HDAC8: variants seen among roughly 807,000 people sequenced by gnomAD.
HDAC8 encodes the protein histone deacetylase 8.
HDAC8 carries 1 observed loss-of-function variant against 32.2 expected under a neutral mutation model. The ratio of observed to expected loss-of-function variants is 0.03; its 90% confidence interval spans 0.01 to 0.15. HDAC8 has a LOEUF of 0.15. HDAC8 is among the 10% of genes least tolerant of loss of function. The probability of loss-of-function intolerance (pLI) is 1.00; values close to 1 mark genes in which losing one functional copy is unlikely to be tolerated. For synonymous variants in HDAC8, 108 were observed against 113.9 expected, an observed-to-expected ratio of 0.95 and a Z score of 0.33; for missense variants, 117 against 300.0, an observed-to-expected ratio of 0.39 and a Z score of 4.51.
intron 4 of HDAC8, among the ~76,000 whole-genome samples, chrX:72,564,585 C>T (rs1556129297): frequency 8.9e-6 from 1 of 112,179 alleles, no homozygotes; most frequent in African/African-American, 3.2e-5. Context: ...ACTTTTCAAT[C>T]TAGCTGTCAC....
intron 5 of HDAC8, among the ~76,000 whole-genome samples, chrX:72,493,117 AC>A (rs1261673659): frequency 1.8e-5 from 2 of 111,439 alleles, no homozygotes; most frequent in African/African-American, 6.5e-5. Context: ...GACAGGTGAA[AC>A]AAAACTAAAT....
At chrX:72,550,355 C>G (rs782725392) in intron 4 of HDAC8, among the ~76,000 whole-genome samples, 1 of 110,375 alleles carries the variant, frequency 9.1e-6, no homozygotes, top group Non-Finnish European at 1.9e-5. Context: ...CCAACTTTCA[C>G]ACCTCTAAGC....
At chrX:72,442,112 C>A (rs1400385884) in intron 9 of HDAC8, among the ~76,000 whole-genome samples, 1 of 111,210 alleles carries the variant, frequency 9.0e-6, no homozygotes, top group African/African-American at 3.3e-5. Context: ...AAACACTCTT[C>A]AGGATATTAT....
At chrX:72,349,527 T>C (rs1555948086) in intron 10 of HDAC8, among the ~76,000 whole-genome samples, 1 of 112,588 alleles carries the variant, frequency 8.9e-6, no homozygotes, top group Non-Finnish European at 1.9e-5. Flanking sequence ...TTTGATTTCA[T>C]TGGGTTACAA....
intron 4 of HDAC8, among the ~76,000 whole-genome samples, chrX:72,550,572 C>T (rs2051032285): frequency 9.1e-6 from 1 of 110,165 alleles, no homozygotes; most frequent in South Asian, 3.9e-4. Flanking sequence ...CACCCCAGAA[C>T]AAGTTTCACG....
At chrX:72,499,811 T>A in intron 4 of HDAC8, among the ~76,000 whole-genome samples, 1 of 111,199 alleles carries the variant, frequency 9.0e-6, no homozygotes, top group Non-Finnish European at 1.9e-5. Context: ...AATTGAGACA[T>A]GAAAAACCTT....
chrX:72,402,844 A>G (rs2045941488), intron 9 of HDAC8, among the ~76,000 whole-genome samples: 1 of 111,487 alleles, frequency 9.0e-6, no homozygotes, highest in Admixed American at 9.5e-5. Flanking sequence ...AGGTGCATAC[A>G]TGTTTAAAAT....
rs1232346857 is a variant in HDAC8, at chrX:72,567,972, A to G, written c.354T>C (p.Ala118=). ...TCAGGCATTGGGCAGCTGTGATCGT[A>G]GCCCCTCCTATAGCTGCTGCATAGT... The part of the protein sequence containing the change: ...IFDYAAAIGG[A]TITAAQCLID... Residue 118 remains alanine, a synonymous_variant, in exon 4 of 11, where the codon GCT becomes GCC. Transcript: ENST00000373573. The G allele has an allele frequency of 1.7e-6, 2 of 1,209,769 alleles. No individual in the cohort carries two copies. Among genetic ancestry groups the G allele is most frequent in the East Asian group, 5.9e-5 (2 of 33,768 alleles).
At chrX:72,389,708 G>T (rs1555963064) in intron 9 of HDAC8, among the ~76,000 whole-genome samples, 1 of 112,234 alleles carries the variant, frequency 8.9e-6, no homozygotes, top group Admixed American at 9.4e-5. Context: ...GGCTCCAAAA[G>T]AAAACAAAGC....
chrX:72,568,794 C>T lies in HDAC8; in HGVS notation c.255G>A (p.Glu85=). ...YLQHLQKVSQ[E]GDDDHPDSIE... is the part of the protein sequence containing the mutation. Reference sequence around the variant, plus strand: ...TGGAGTCCGGATGATCATCATCGCCCTCTTGGCTGACCTTCTGGAGATGCT... The same window carrying T: ...TGGAGTCCGGATGATCATCATCGCCTTCTTGGCTGACCTTCTGGAGATGCT... The change falls in exon 3 of 11, where the codon GAG becomes GAA. Residue 85 remains glutamate (E), a synonymous_variant. Coordinates refer to ENST00000373573, the MANE Select transcript of HDAC8 (RefSeq NM_018486.3). The T allele has an allele frequency of 8.3e-7, 1 of 1,211,853 alleles. No homozygotes were observed. The highest frequency in any genetic ancestry group is 1.1e-6 in the Non-Finnish European group (1 of 895,420).
In HDAC8 at chrX:72,518,219, G is replaced by A. The variant is rs145071613; in HGVS notation, c.438-22951C>T. Among the ~76,000 whole-genome samples, 1,108 of 110,971 alleles carry A rather than the reference G, an allele frequency of 1.0e-2. 7 individuals are homozygous for A. The highest frequency in any genetic ancestry group is 0.013 in the Non-Finnish European group (697 of 52,915). Reference sequence around the variant, plus strand: ...TTGTGCAATTCATCATCATAATCTCGTATTAGAATATTTTCACCATTCCAA... The same window carrying A: ...TTGTGCAATTCATCATCATAATCTCATATTAGAATATTTTCACCATTCCAA... On this transcript the variant is annotated intron_variant, in intron 4 of 10. Transcript: ENST00000373573.
chrX:72,549,733 C>T (rs1322363195), intron 4 of HDAC8, among the ~76,000 whole-genome samples: 1 of 111,780 alleles, frequency 8.9e-6, no homozygotes, highest in African/African-American at 3.3e-5. Flanking sequence ...ATCTAGACCA[C>T]CCCTTCCTTA....
intron 4 of HDAC8, among the ~76,000 whole-genome samples, chrX:72,509,997 T>C (rs1371925922): frequency 8.9e-6 from 1 of 111,769 alleles, no homozygotes; most frequent in African/African-American, 3.3e-5. Context: ...TTCCTTTTAG[T>C]AGCAATTTTT....
intron 9 of HDAC8, among the ~76,000 whole-genome samples, chrX:72,391,339 T>G (rs2045607022): frequency 8.9e-6 from 1 of 112,479 alleles, no homozygotes; most frequent in South Asian, 3.8e-4. Flanking sequence ...AGCAGAACTG[T>G]GAATACCCAT....
intron 4 of HDAC8, among the ~76,000 whole-genome samples, chrX:72,529,006 C>T (rs1556034239): frequency 1.8e-5 from 2 of 111,766 alleles, no homozygotes; most frequent in Non-Finnish European, 3.8e-5. Flanking sequence ...TATTATATAC[C>T]TCAAGCAAGG....
chrX:72,561,928 A>G (rs2051576795), intron 4 of HDAC8, among the ~76,000 whole-genome samples: 1 of 112,503 alleles, frequency 8.9e-6, no homozygotes, highest in Non-Finnish European at 1.9e-5. Context: ...CATATGAAAA[A>G]ATGCTCAACA....
At chrX:72,474,659 C>T in intron 7 of HDAC8, 1 of 1,206,172 alleles carries the variant, frequency 8.3e-7, no homozygotes. Context: ...TCAGACAAGG[C>T]TATGCAAATG....
At chrX:72,351,379 C>A (rs1195455728) in intron 10 of HDAC8, 3 of 205,897 alleles carry the variant, frequency 1.5e-5, no homozygotes, top group East Asian at 1.2e-4. Context: ...GGATGACAGG[C>A]GTAAGCCACG....
At chrX:72,453,706 C>T (rs1389044053) in intron 9 of HDAC8, among the ~76,000 whole-genome samples, 3 of 111,395 alleles carry the variant, frequency 2.7e-5, no homozygotes, top group Non-Finnish European at 5.7e-5. Context: ...CTCAATGCAT[C>T]TCAGACAGGA....
Sources: allele counts gnomAD v4.1 joint callset (sites outside exome capture counted in the v4.1 genomes callset), GRCh38; gene constraint gnomAD v4.1.1; transcripts MANE v1.5; gene names NCBI Gene and HGNC (gene_info 2026-07-23, HGNC 2026-07-21).